Variants in UBN2 observed in about 807,000 individuals in gnomAD.
UBN2 encodes the protein ubinuclein-2.
Under a neutral mutation model 120.2 loss-of-function variants are expected in UBN2, and 35 were observed. The observed-to-expected ratio is 0.29, with a 90% CI of 0.22 to 0.39. The LOEUF is 0.39. Among genes scored for constraint, UBN2 ranks in the 10% least tolerant of loss-of-function variants. The pLI, the probability that UBN2 is intolerant of heterozygous loss-of-function variation, is 1.00. For missense variants in UBN2, 1,693 were observed against 1,663.2 expected (o/e 1.02, Z -0.31); for synonymous variants, 661 against 648.7 (o/e 1.02, Z -0.29).
chr7:139,249,385 A>G (rs140149709), intron 2 of UBN2, among the ~76,000 whole-genome samples: 70 of 152,316 alleles, frequency 4.6e-4, no homozygotes, highest in South Asian at 1.2e-3. Context: ...TTGTAAAGTG[A>G]TGACACCATG....
In UBN2 at chr7:139,269,370, A is replaced by G. The variant is rs772435261; in HGVS notation, c.1467-24A>G. On this transcript the variant is annotated intron_variant, in intron 7 of 17. Coordinates refer to ENST00000473989, the MANE Select transcript of UBN2 (RefSeq NM_173569.4). ...ACCTAAAATAAATTCTATACTGTTC[A>G]TTGTTGTTAACTTTTTTGGCCAGCA... is the stretch of plus-strand genomic sequence containing the variant. 5 of 1,612,410 alleles carry G rather than the reference A, an allele frequency of 3.1e-6. No individual in the cohort carries two copies. The East Asian group carries it at 6.7e-5, about 22-fold the overall frequency.
intron 11 of UBN2, among the ~76,000 whole-genome samples, chr7:139,275,005 C>G (rs765061835): frequency 6.6e-6 from 1 of 151,968 alleles, no homozygotes; most frequent in Non-Finnish European, 1.5e-5. Flanking sequence ...TGGCCCGTTG[C>G]GGTGGCTCAC....
At chr7:139,316,449 G>C in the UBN2 span, among the ~76,000 whole-genome samples, 2 of 152,082 alleles carry the variant, frequency 1.3e-5, no homozygotes, top group Non-Finnish European at 2.9e-5. Context: ...TAATTTTCTA[G>C]GTTCTTTTCC....
rs368545036 is a variant in UBN2, at chr7:139,297,823, G to A, written c.4031G>A (p.Arg1344Gln). ...AGTAAAGGGGACACTAAATTACCACGGAAATCTCAGTGACTGCCCAGCAAG... is the reference window on the plus strand; with the variant it reads ...AGTAAAGGGGACACTAAATTACCACAGAAATCTCAGTGACTGCCCAGCAAG... ...GQSKGDTKLP[R>Q]KSQ The change falls in exon 18 of 18, where the codon CGG (arginine) becomes CAG (glutamine). Residue 1344 changes from arginine (R) to glutamine (Q), a missense_variant. This residue lies in a region of UBN2 where 837 missense variants were observed against 817.6 expected (regional missense o/e 1.02). Transcript: ENST00000473989. 6 of 1,613,912 alleles carry A rather than the reference G, an allele frequency of 3.7e-6. No homozygotes were observed. Among genetic ancestry groups the A allele is most frequent in the African/African-American group, 1.3e-5 (1 of 74,876 alleles).
intron 15 of UBN2, among the ~76,000 whole-genome samples, chr7:139,287,339 T>C (rs896092549): frequency 1.3e-5 from 2 of 152,216 alleles, no homozygotes; most frequent in Non-Finnish European, 2.9e-5. Flanking sequence ...TTTATCAATT[T>C]TATAAAAAAT....
In UBN2 at chr7:139,305,570, T is replaced by G. The variant is rs1357430333; in HGVS notation, c.*7734T>G. On this transcript the variant is annotated 3_prime_UTR_variant, in exon 18 of 18. Coordinates refer to ENST00000473989, the MANE Select transcript of UBN2 (RefSeq NM_173569.4). ...CTTTAATTTCCTTATATTGTGATAG[T>G]TCTACTTTTCAGTCTTTCCTGTGTA... 3 of 152,250 alleles carry G rather than the reference T, an allele frequency of 2.0e-5. No individual in the cohort carries two copies. Among genetic ancestry groups the G allele is most frequent in the Non-Finnish European group, 4.4e-5 (3 of 68,038 alleles). The allele number at this position is 152,250 out of a possible 1,614,324, so 9.4% of individuals were successfully genotyped here. A position where few individuals can be genotyped will look rare whatever the true frequency, so the allele number is the denominator to read the frequency against.
At chr7:139,284,656 T>C in intron 15 of UBN2, 82 bp downstream of exon 15, 3 of 1,224,946 alleles carry the variant, frequency 2.4e-6, no homozygotes, top group South Asian at 1.5e-5. Context: ...TAATAAGCTT[T>C]TTATGATATG....
intron 2 of UBN2, among the ~76,000 whole-genome samples, chr7:139,241,019 A>G (rs1278562214): frequency 6.6e-6 from 1 of 152,212 alleles, no homozygotes; most frequent in African/African-American, 2.4e-5. Flanking sequence ...CTTTATTCCC[A>G]GTTAAGGCTC....
In UBN2 at chr7:139,252,027, G is replaced by A; in HGVS notation, c.633G>A (p.Glu211=). 1 of 1,614,110 alleles carries A rather than the reference G, an allele frequency of 6.2e-7. No individual in the cohort carries two copies. The highest frequency in any genetic ancestry group is 8.5e-7 in the Non-Finnish European group (1 of 1,179,980). The change falls in exon 3 of 18, where the codon GAG becomes GAA. Residue 211 remains glutamate, a synonymous_variant. Transcript: ENST00000473989. ...TTGATATAGGCTTTGGCTATGATGA[G>A]ACAGATCCATTTATTGATAACTCAG... ...DLIDIGFGYD[E]TDPFIDNSEA... is the part of the protein sequence containing the mutation.
At chr7:139,263,907 G>C (rs904001437) in intron 6 of UBN2, among the ~76,000 whole-genome samples, 1 of 152,010 alleles carries the variant, frequency 6.6e-6, no homozygotes. Context: ...CATATAAAAA[G>C]TCTTAAGGTT....
At chr7:139,295,555 A>G (rs920808990) in intron 17 of UBN2, among the ~76,000 whole-genome samples, 3 of 152,226 alleles carry the variant, frequency 2.0e-5, no homozygotes, top group Admixed American at 6.5e-5. Flanking sequence ...TTATCTGTGC[A>G]GCACTGCTAT....
At chr7:139,257,305 C>A (rs1367708914) in intron 3 of UBN2, among the ~76,000 whole-genome samples, 2 of 152,304 alleles carry the variant, frequency 1.3e-5, no homozygotes, top group Middle Eastern at 3.4e-3. Flanking sequence ...CATTCTAGGT[C>A]CTCAAGTATG....
chr7:139,278,417 C>T (rs1182283884), intron 12 of UBN2, among the ~76,000 whole-genome samples: 2 of 151,924 alleles, frequency 1.3e-5, no homozygotes, highest in Non-Finnish European at 2.9e-5. Flanking sequence ...CCTGGCCTCA[C>T]GTGATCCGCC....
chr7:139,316,378 A>G, the UBN2 span, among the ~76,000 whole-genome samples: 1 of 152,192 alleles, frequency 6.6e-6, no homozygotes, highest in East Asian at 1.9e-4. Flanking sequence ...AGAACTTTGT[A>G]TGTCTGAAAG....
At chr7:139,242,705 C>T (rs1796355524) in intron 2 of UBN2, among the ~76,000 whole-genome samples, 1 of 152,176 alleles carries the variant, frequency 6.6e-6, no homozygotes, top group Non-Finnish European at 1.5e-5. Flanking sequence ...CTTCAGCCTT[C>T]TTTAATGCCT....
the UBN2 span, among the ~76,000 whole-genome samples, chr7:139,313,568 A>C: frequency 1.3e-5 from 2 of 152,176 alleles, no homozygotes; most frequent in East Asian, 3.8e-4. Flanking sequence ...TTCACATTTT[A>C]CGTCTTAGAG....
At chr7:139,252,522 AT>A (rs985977934) in intron 3 of UBN2, among the ~76,000 whole-genome samples, 5 of 151,896 alleles carry the variant, frequency 3.3e-5, no homozygotes, top group African/African-American at 1.2e-4. Context: ...ATTTCTTTTG[AT>A]TTTTTTTCCA....
the UBN2 span, among the ~76,000 whole-genome samples, chr7:139,322,993 C>T: frequency 1.3e-5 from 2 of 152,194 alleles, no homozygotes; most frequent in East Asian, 3.8e-4. Flanking sequence ...TCCTTGCATC[C>T]AGCAGGTCCA....
At chr7:139,277,944 A>G (rs1797493177) in intron 12 of UBN2, among the ~76,000 whole-genome samples, 1 of 152,184 alleles carries the variant, frequency 6.6e-6, no homozygotes, top group Non-Finnish European at 1.5e-5. Context: ...GTTTAACAGT[A>G]TACTATAATA....
Sources: allele counts gnomAD v4.1 joint callset (sites outside exome capture counted in the v4.1 genomes callset), GRCh38; gene constraint gnomAD v4.1.1; regional missense constraint gnomAD v4.1.1; transcripts MANE v1.5; gene names NCBI Gene and HGNC (gene_info 2026-07-23, HGNC 2026-07-21).